The following PIAS1 variants were observed in gnomAD, a reference collection of about 807,000 sequenced individuals.
The protein encoded by PIAS1 is protein inhibitor of activated STAT 1, also known as E3 SUMO-protein ligase PIAS1.
A neutral mutation model predicts 71.3 loss-of-function variants in PIAS1; 6 were observed. The ratio of observed to expected loss-of-function variants is 0.08; its 90% CI spans 0.05 to 0.17. The LOEUF (loss-of-function observed/expected upper bound fraction) is 0.17. PIAS1 is among the 10% of genes least tolerant of loss of function. The pLI, the probability that PIAS1 is intolerant of heterozygous loss-of-function variation, is 1.00. For synonymous variants in PIAS1, 303 were observed against 292.9 expected, an observed-to-expected ratio of 1.03 and a Z score of -0.35; for missense variants, 555 against 793.6, an observed-to-expected ratio of 0.70 and a Z score of 3.61.
At position 68,173,606 on chromosome 15, in the gene PIAS1, T is replaced by G. The variant is rs2093004831; in HGVS notation, c.1009-126T>G. ...AAATGTGTTTAATGTTCTTCTACAT[T>G]GATGAAAAGTCAACACTGTATGCTT... On this transcript the variant is annotated intron_variant, in intron 8 of 13. Transcript: ENST00000249636. The surrounding 1 kb of genome is among the most constrained non-coding windows in gnomAD (Gnocchi z 4.3). 3 of 494,740 alleles carry G rather than the reference T, an allele frequency of 6.1e-6. No individual in the cohort carries two copies. Among genetic ancestry groups the G allele is most frequent in the South Asian group, 1.1e-4 (2 of 18,098 alleles). The allele number at this position is 494,740 out of a possible 1,614,324, so 30.6% of individuals were successfully genotyped here.
intron 1 of PIAS1, among the ~76,000 whole-genome samples, chr15:68,072,254 G>A (rs1351848536): frequency 6.6e-6 from 1 of 151,536 alleles, no homozygotes; most frequent in African/African-American, 2.4e-5. Context: ...AAAAAAATTA[G>A]CTGGGCGTGG....
intron 1 of PIAS1, among the ~76,000 whole-genome samples, chr15:68,069,726 C>T (rs2092072045): frequency 6.6e-6 from 1 of 150,636 alleles, no homozygotes; most frequent in South Asian, 2.1e-4. Context: ...ATGGTGTGAA[C>T]CTGGGAGGCG....
rs138094381 is a variant in PIAS1 at position 68,092,462 on chromosome 15, C to T, written c.469+5712C>T. The stretch of plus-strand genomic sequence containing the variant: ...TGCTAGGATTACAGGTGTGAGCCAC[C>T]GCACCCAGCTGACTATGAGTGTTAT... On this transcript the variant is annotated intron_variant, in intron 2 of 13. Coordinates refer to ENST00000249636, the MANE Select transcript of PIAS1 (RefSeq NM_016166.3). 1.7e-4 allele frequency among the ~76,000 whole-genome samples: 26 copies of T among 152,222 alleles called. No individual in the cohort carries two copies. In the East Asian group the frequency reaches 1.9e-3, roughly 11 times the overall value.
rs1213642210 is a variant in PIAS1, at chr15:68,183,573, T to C, written c.1625-57T>C. The C allele has an allele frequency of 4.1e-6, 3 of 726,916 alleles. No homozygotes were observed. In the African/African-American group the frequency reaches 5.3e-5, roughly 13 times the overall value. 45.0% of individuals were successfully genotyped at this position (726,916 alleles called of 1,614,324 possible). ...TATTTGTTTTTGAAGTATTGGGGCA[T>C]TTGGAAGAGTTTTTCCTTCTTTTTT... On this transcript the variant is annotated intron_variant, in intron 12 of 13. Coordinates refer to ENST00000249636, the MANE Select transcript of PIAS1 (RefSeq NM_016166.3).
chr15:68,145,935 T>C, intron 5 of PIAS1, 29 bp downstream of exon 5: 1 of 1,251,848 alleles, frequency 8.0e-7, no homozygotes, highest in Non-Finnish European at 1.2e-6. Context: ...TTTTTAAAAT[T>C]CATTGCCAAC....
intron 8 of PIAS1, among the ~76,000 whole-genome samples, chr15:68,166,991 G>C (rs990996201): frequency 6.6e-6 from 1 of 151,952 alleles, no homozygotes; most frequent in Non-Finnish European, 1.5e-5. Context: ...ACACCCGGCT[G>C]ATTTTTGCAT....
chr15:68,116,316 G>T (rs1391106586), intron 2 of PIAS1, among the ~76,000 whole-genome samples: 1 of 151,836 alleles, frequency 6.6e-6, no homozygotes, highest in East Asian at 1.9e-4. Context: ...GTAAACTTTG[G>T]TAGTTTTTTG....
At chr15:68,070,186 G>GT (rs1285929124) in intron 1 of PIAS1, among the ~76,000 whole-genome samples, 2 of 152,172 alleles carry the variant, frequency 1.3e-5, no homozygotes, top group Admixed American at 1.3e-4. Context: ...ATCTGCATGA[G>GT]TGCATGCATT....
intron 2 of PIAS1, among the ~76,000 whole-genome samples, chr15:68,113,824 G>A (rs1395614484): frequency 6.6e-6 from 1 of 152,058 alleles, no homozygotes; most frequent in Admixed American, 6.6e-5. Context: ...AAGTTTAATA[G>A]TATTACATGT....
rs1432705494 is a variant in PIAS1 at position 68,189,667 on chromosome 15, C to G, written c.*1832C>G. 1.3e-5 allele frequency: 2 copies of G among 151,712 alleles called. No individual in the cohort carries two copies. Among genetic ancestry groups the G allele is most frequent in the African/African-American group, 4.8e-5 (2 of 41,292 alleles). The allele number at this position is 151,712 out of a possible 1,614,324, so 9.4% of individuals were successfully genotyped here. Reference sequence around the variant, plus strand: ...GTGTGTGTATATATGTATTTATAAACAAGTGTGTTTGAGTAACAAGTGAGT... The same window carrying G: ...GTGTGTGTATATATGTATTTATAAAGAAGTGTGTTTGAGTAACAAGTGAGT... On this transcript the variant is annotated 3_prime_UTR_variant, in exon 14 of 14. Transcript: ENST00000249636.
intron 5 of PIAS1, among the ~76,000 whole-genome samples, chr15:68,146,133 C>A (rs2092806314): frequency 6.6e-6 from 1 of 152,034 alleles, no homozygotes; most frequent in Admixed American, 6.6e-5. Context: ...TAGTGTTGTA[C>A]TGGATTTTGG....
At position 68,151,707 on chromosome 15, in the gene PIAS1, C is replaced by CACACACACACACACACACACAA. The variant is rs140053964; in HGVS notation, c.829-1882_829-1881insCACACACACACACACACACAAA. Among the ~76,000 whole-genome samples the CACACACACACACACACACACAA allele has an allele frequency of 1.3e-3, 173 of 134,504 alleles. 1 individual carries two copies. The highest frequency in any genetic ancestry group is 4.1e-3 in the African/African-American group (149 of 36,224). 88.2% of individuals were successfully genotyped at this position (134,504 alleles called of 152,430 possible). A position where few individuals can be genotyped will look rare whatever the true frequency, so the allele number is the denominator to read the frequency against. ...AAACACACACACACACACACACACA[C>CACACACACACACACACACACAA]AAATTAGCTAGATATGGTGGTGCAC... is the stretch of plus-strand genomic sequence containing the variant. On this transcript the variant is annotated intron_variant, in intron 6 of 13. Coordinates refer to ENST00000249636, the MANE Select transcript of PIAS1 (RefSeq NM_016166.3).
intron 6 of PIAS1, among the ~76,000 whole-genome samples, chr15:68,147,115 T>A (rs2092813087): frequency 6.6e-6 from 1 of 152,224 alleles, no homozygotes; most frequent in South Asian, 2.1e-4. Context: ...GATAATTTCC[T>A]TAGGGTAAAT....
At chr15:68,106,884 G>A (rs1042200185) in intron 2 of PIAS1, among the ~76,000 whole-genome samples, 1 of 152,152 alleles carries the variant, frequency 6.6e-6, no homozygotes, top group Non-Finnish European at 1.5e-5. Flanking sequence ...GTGTTGGATC[G>A]CTGTTTCTTT....
At chr15:68,112,846 G>C (rs1378068374) in intron 2 of PIAS1, among the ~76,000 whole-genome samples, 1 of 2,106 alleles carries the variant, frequency 4.7e-4, no homozygotes, top group Non-Finnish European at 5.6e-3. Context: ...CTGTTTCTAA[G>C]AGTATGTCTC....
chr15:68,187,936 T>C lies in PIAS1; in HGVS notation c.*101T>C. ...TTTTACCTTACTCTGTTTAGAAAAG[T>C]ATACAAGCGTGTTTTTTTTCCTTTT... On this transcript the variant is annotated 3_prime_UTR_variant, in exon 14 of 14. Transcript: ENST00000249636. The surrounding 1 kb of genome is among the most constrained non-coding windows in gnomAD (Gnocchi z 5.3). The C allele has an allele frequency of 9.4e-7, 1 of 1,068,070 alleles. No individual in the cohort carries two copies. The highest frequency in any genetic ancestry group is 1.8e-5 in the South Asian group (1 of 56,742). 66.2% of individuals were successfully genotyped at this position (1,068,070 alleles called of 1,614,324 possible). A position where few individuals can be genotyped will look rare whatever the true frequency, so the allele number is the denominator to read the frequency against.
rs143403553 is a variant in PIAS1 at position 68,073,644 on chromosome 15, G to C, written c.25-12662G>C. ...TAGCTAGTAAAAGGCTGGGATAGGA[G>C]GGGGGAGAAGAGCTTCTCCTTGAAA... On this transcript the variant is annotated intron_variant, in intron 1 of 13. Coordinates refer to ENST00000249636, the MANE Select transcript of PIAS1 (RefSeq NM_016166.3). Among the ~76,000 whole-genome samples, 315 of 152,218 alleles carry C rather than the reference G, an allele frequency of 2.1e-3. 1 individual carries two copies. The highest frequency in any genetic ancestry group is 6.7e-3 in the African/African-American group (279 of 41,540).
rs1479725473 is a variant in PIAS1 at position 68,193,201 on chromosome 15, G to C, written c.*5366G>C. 1 of 152,408 alleles carries C rather than the reference G, an allele frequency of 6.6e-6. No homozygotes were observed. Among genetic ancestry groups the C allele is most frequent in the African/African-American group, 2.4e-5 (1 of 41,472 alleles). 9.4% of individuals were successfully genotyped at this position (152,408 alleles called of 1,614,324 possible). ...GCCTGTTAACAGAGCCCAGGGAACAGCTCGGAATTCTCACAGCATTGGAAG... is the reference window on the plus strand; with the variant it reads ...GCCTGTTAACAGAGCCCAGGGAACACCTCGGAATTCTCACAGCATTGGAAG... On this transcript the variant is annotated 3_prime_UTR_variant, in exon 14 of 14. Transcript: ENST00000249636.
chr15:68,147,468 TCATGTTA>T (rs2092816207), intron 6 of PIAS1, among the ~76,000 whole-genome samples: 1 of 152,180 alleles, frequency 6.6e-6, no homozygotes, highest in African/African-American at 2.4e-5. Context: ...TAACTCTGTT[TCATGTTA>T]CAAATATTTG....
Sources: allele counts gnomAD v4.1 joint callset (sites outside exome capture counted in the v4.1 genomes callset), GRCh38; gene constraint gnomAD v4.1.1; non-coding constraint Gnocchi (gnomAD v3.1); transcripts MANE v1.5; gene names NCBI Gene and HGNC (gene_info 2026-07-23, HGNC 2026-07-21).